The following KNDC1 variants were observed in gnomAD, a reference collection of about 807,000 sequenced individuals.
KNDC1 encodes the protein kinase non-catalytic C-lobe domain-containing protein 1.
Under a neutral mutation model 172.8 loss-of-function variants are expected in KNDC1, and 106 were observed. That is an observed-to-expected ratio of 0.61 (90% CI 0.52 to 0.72). The LOEUF is 0.72. Among genes scored for constraint, KNDC1 ranks in the 30% least tolerant of loss-of-function variants. KNDC1 has a pLI of 0.00. For synonymous variants in KNDC1, 1,083 were observed against 1,062.2 expected, an observed-to-expected ratio of 1.02 and a Z score of -0.38; for missense variants, 2,325 against 2,394.5, an observed-to-expected ratio of 0.97 and a Z score of 0.61.
At chr10:133,190,620 G>A (rs532790006) in intron 9 of KNDC1, among the ~76,000 whole-genome samples, 4 of 152,354 alleles carry the variant, frequency 2.6e-5, no homozygotes, top group South Asian at 2.1e-4. Context: ...ACTAAAAGCC[G>A]CGCTTTTTCA....
intron 3 of KNDC1, among the ~76,000 whole-genome samples, chr10:133,178,205 GTA>G (rs1853612512): frequency 6.6e-6 from 1 of 151,522 alleles, no homozygotes; most frequent in Admixed American, 6.6e-5. Context: ...TGTGGCATGT[GTA>G]TGTATGTGGT....
chr10:133,208,735 G>A (rs1176192406), intron 20 of KNDC1, among the ~76,000 whole-genome samples: 5 of 152,194 alleles, frequency 3.3e-5, no homozygotes, highest in Admixed American at 6.5e-5. Context: ...TCTCTGTGCC[G>A]TTGCGGGAGA....
At chr10:133,167,047 G>A (rs999963173) in intron 1 of KNDC1, 10 of 393,936 alleles carry the variant, frequency 2.5e-5, no homozygotes, top group Middle Eastern at 7.3e-4. Context: ...CAGTCCAGCC[G>A]TGAGCCTGCG....
intron 9 of KNDC1, among the ~76,000 whole-genome samples, chr10:133,195,178 A>G (rs576039815): frequency 2.6e-5 from 4 of 152,320 alleles, no homozygotes; most frequent in African/African-American, 9.6e-5. Context: ...CATCCCTTAC[A>G]TCAGCAACGT....
chr10:133,168,093 G>A (rs1034570405), intron 2 of KNDC1, among the ~76,000 whole-genome samples, 161 bp from the exon 3 acceptor site: 1 of 152,178 alleles, frequency 6.6e-6, no homozygotes, highest in African/African-American at 2.4e-5. Context: ...TAACCGTTAA[G>A]GAGCTGATTT....
At chr10:133,185,546 A>C (rs1853873876) in intron 5 of KNDC1, among the ~76,000 whole-genome samples, 1 of 152,046 alleles carries the variant, frequency 6.6e-6, no homozygotes, top group South Asian at 2.1e-4. Flanking sequence ...CAGCAGAGAG[A>C]GATCAACGCC....
chr10:133,219,952 C>T lies in KNDC1; in HGVS notation c.4861-3C>T, dbSNP rs1250017865. The T allele has an allele frequency of 5.8e-6, 9 of 1,549,332 alleles. No individual in the cohort carries two copies. The highest frequency in any genetic ancestry group is 7.0e-6 in the Non-Finnish European group (8 of 1,145,966). On this transcript the variant is annotated splice_polypyrimidine_tract_variant and splice_region_variant and intron_variant, in intron 28 of 29. Coordinates refer to ENST00000304613, the MANE Select transcript of KNDC1 (RefSeq NM_152643.8). ...CCGGCCCACGCCCCGGCTGGACCAC[C>T]AGGTCTTCCTGAAGAGCGACAGCCT...
intron 28 of KNDC1, 77 bp downstream of exon 28, chr10:133,219,167 C>CGT: frequency 6.6e-7 from 1 of 1,519,996 alleles, no homozygotes; most frequent in Non-Finnish European, 9.0e-7. Flanking sequence ...GCAGAGCCTG[C>CGT]CGCACCCAGA....
At position 133,179,199 on chromosome 10, in the gene KNDC1, A is replaced by T. The variant is rs530595103; in HGVS notation, c.361-4145A>T. 9 of 151,266 alleles carry T rather than the reference A, an allele frequency of 5.9e-5. No individual in the cohort carries two copies. The East Asian group carries it at 1.8e-3, about 30-fold the overall frequency. 9.4% of individuals were successfully genotyped at this position (151,266 alleles called of 1,614,324 possible). On this transcript the variant is annotated intron_variant, in intron 3 of 29. Coordinates refer to ENST00000304613, the MANE Select transcript of KNDC1 (RefSeq NM_152643.8). ...GCTCTGACCCACTTCCTGGTGTGGC[A>T]GGATGCTCCAGCCCCTTCTATGGGG...
Position 133,167,441 on chromosome 10 carries a change from G to C in KNDC1, c.163G>C (p.Ala55Pro), listed in dbSNP as rs1447075319. The change falls in exon 2 of 30, where the codon GCC (alanine) becomes CCC (proline). Residue 55 changes from alanine (A) to proline (P), a missense_variant. Coordinates refer to ENST00000304613, the MANE Select transcript of KNDC1 (RefSeq NM_152643.8). The part of the protein sequence containing the change: ...LRDRGLSEQE[A>P]WAVCLECSLS... ...GGACCGCGGCCTCAGCGAGCAGGAA[G>C]CCTGGGCCGTGTGCCTGGAGTGCAG... 1 of 1,606,110 alleles carries C rather than the reference G, an allele frequency of 6.2e-7. No homozygotes were observed. The highest frequency in any genetic ancestry group is 1.3e-5 in the African/African-American group (1 of 75,010).
chr10:133,201,552 C>G lies in KNDC1; in HGVS notation c.3041C>G (p.Pro1014Arg). The G allele has an allele frequency of 6.2e-7, 1 of 1,611,728 alleles. No homozygotes were observed. Among genetic ancestry groups the G allele is most frequent in the East Asian group, 2.2e-5 (1 of 44,844 alleles). Reference protein sequence around the residue: ...ARTSSRAPCSPTSVSDVDSDA... With the variant: ...ARTSSRAPCSRTSVSDVDSDA... ...ACCAGCAGCAGGGCCCCCTGCTCAC[C>G]CACCTCGGTGTCGGATGTGGACTCG... Residue 1014 changes from proline to arginine, a missense_variant, in exon 17 of 30, where the codon CCC becomes CGC. By Grantham distance (103) the Pro-to-Arg change is moderately radical (BLOSUM62 -2). Coordinates refer to ENST00000304613, the MANE Select transcript of KNDC1 (RefSeq NM_152643.8).
intron 9 of KNDC1, among the ~76,000 whole-genome samples, chr10:133,192,031 A>G (rs911809530): frequency 6.6e-6 from 1 of 152,272 alleles, no homozygotes; most frequent in Non-Finnish European, 1.5e-5. Context: ...AACACATCCC[A>G]TGCTCACAGA....
chr10:133,168,419 C>G, intron 3 of KNDC1, 107 bp downstream of exon 3: 2 of 1,202,376 alleles, frequency 1.7e-6, no homozygotes, highest in East Asian at 4.8e-5. Context: ...TGCAAGTGGC[C>G]TCTGGCCGGG....
chr10:133,168,421 C>T, intron 3 of KNDC1, 109 bp downstream of exon 3: 1 of 1,184,510 alleles, frequency 8.4e-7, no homozygotes, highest in Non-Finnish European at 1.3e-6. Context: ...CAAGTGGCCT[C>T]TGGCCGGGAG....
intron 3 of KNDC1, among the ~76,000 whole-genome samples, chr10:133,175,851 C>T (rs1410850037): frequency 1.4e-5 from 2 of 141,918 alleles, no homozygotes; most frequent in East Asian, 4.3e-4. Flanking sequence ...GGTGAGTGGA[C>T]GTGTGGATGG....
chr10:133,196,918 C>T, intron 10 of KNDC1, 140 bp from the exon 11 acceptor site: 1 of 654,312 alleles, frequency 1.5e-6, no homozygotes, highest in East Asian at 2.7e-5. Context: ...TGTCCGGGGC[C>T]TGTAGTTGGG....
chr10:133,199,232 C>T lies in KNDC1; in HGVS notation c.2724C>T (p.Gly908=), dbSNP rs918009056. 1.3e-6 allele frequency: 2 copies of T among 1,569,684 alleles called. No homozygotes were observed. The highest frequency in any genetic ancestry group is 2.7e-5 in the African/African-American group (2 of 74,124). ...TCCAGGAGGAATTTGCCTTCGATGG[C>T]TACCTGGACAATGGGCTGGAGGCTC... is the stretch of plus-strand genomic sequence containing the variant. ...RLIQEEFAFD[G]YLDNGLEALI... Residue 908 remains glycine, a synonymous_variant, in exon 14 of 30, where the codon GGC becomes GGT. Coordinates refer to ENST00000304613, the MANE Select transcript of KNDC1 (RefSeq NM_152643.8).
In KNDC1 at chr10:133,186,102, C is replaced by A. The variant is rs773199790; in HGVS notation, c.754C>A (p.Arg252=). 6.3e-7 allele frequency: 1 copy of A among 1,597,510 alleles called. No individual in the cohort carries two copies. Among genetic ancestry groups the A allele is most frequent in the East Asian group, 2.3e-5 (1 of 44,298 alleles). Residue 252 remains arginine (R), a synonymous_variant, in exon 6 of 30, where the codon CGG becomes AGG. Transcript: ENST00000304613. ...TPEGPESETS[R]GPRASPTKAL... ...CGAAGGCCCGGAGTCTGAGACGAGCCGGGGCCCCAGAGCCTCCCCAACCAA... is the reference window on the plus strand; with the variant it reads ...CGAAGGCCCGGAGTCTGAGACGAGCAGGGGCCCCAGAGCCTCCCCAACCAA...
chr10:133,199,374 C>T, intron 14 of KNDC1, 84 bp from the exon 15 acceptor site: 1 of 1,576,862 alleles, frequency 6.3e-7, no homozygotes, highest in Non-Finnish European at 8.6e-7. Flanking sequence ...CCGAGATCAG[C>T]CTTGTCCGTT....
Sources: allele counts gnomAD v4.1 joint callset (sites outside exome capture counted in the v4.1 genomes callset), GRCh38; gene constraint gnomAD v4.1.1; transcripts MANE v1.5; gene names NCBI Gene and HGNC (gene_info 2026-07-23, HGNC 2026-07-21).